MKI67: variants seen among roughly 807,000 people sequenced by gnomAD.
The protein encoded by MKI67 is proliferation marker protein Ki-67.
MKI67 carries 152 observed loss-of-function variants against 233.5 expected under a neutral mutation model. The ratio of observed to expected loss-of-function variants is 0.65; its 90% CI spans 0.57 to 0.74. The LOEUF (loss-of-function observed/expected upper bound fraction) is 0.74. Among genes scored for constraint, MKI67 ranks in the 30% least tolerant of loss-of-function variants. MKI67 has a pLI of 0.00. For missense variants in MKI67, 3,940 were observed against 3,885.2 expected, an observed-to-expected ratio of 1.01 and a Z score of -0.37; for synonymous variants, 1,465 against 1,418.5, an observed-to-expected ratio of 1.03 and a Z score of -0.74.
At chr10:128,119,207 C>T (rs772188807) in intron 5 of MKI67, 46 bp downstream of exon 5, 1 of 1,321,276 alleles carries the variant, frequency 7.6e-7, no homozygotes, top group East Asian at 2.3e-5. Context: ...TAAATGATTT[C>T]ATATCATCGA....
At chr10:128,114,643 G>A (rs546083596) in intron 7 of MKI67, among the ~76,000 whole-genome samples, 7 of 152,320 alleles carry the variant, frequency 4.6e-5, no homozygotes, top group Non-Finnish European at 8.8e-5. Context: ...TGTGATAGAT[G>A]GAGGAGAATC....
Position 128,107,725 on chromosome 10 carries a change from G to A in MKI67, c.4115C>T (p.Pro1372Leu), listed in dbSNP as rs1852545588. 1 of 1,613,508 alleles carries A rather than the reference G, an allele frequency of 6.2e-7. No individual in the cohort carries two copies. Among genetic ancestry groups the A allele is most frequent in the African/African-American group, 1.3e-5 (1 of 74,700 alleles). The part of the protein sequence containing the change: ...AVAAGKTTKM[P>L]CESSPPESAD... ...TGATTCTGGTGGAGAAGATTCGCAG[G>A]GCATTTTAGTAGTTTTGCCAGCAGC... Residue 1372 changes from proline (P) to leucine (L), a missense_variant, in exon 13 of 15, where the codon CCC becomes CTC. Coordinates refer to ENST00000368654, the MANE Select transcript of MKI67 (RefSeq NM_002417.5).
rs1444840458 is a variant in MKI67 at position 128,122,962 on chromosome 10, G to C, written c.206C>G (p.Thr69Arg). ...ILHNFSSTNP[T>R]QVNGSVIDEP... is the part of the protein sequence containing the mutation. ...ATCAATAACAGACCCATTTACTTGT[G>C]TTGGATTTGTGGAACTGAAATTATG... is the stretch of plus-strand genomic sequence containing the variant. The change falls in exon 4 of 15, where the codon ACA (threonine) becomes AGA (arginine). Residue 69 changes from threonine (T) to arginine (R), a missense_variant. Coordinates refer to ENST00000368654, the MANE Select transcript of MKI67 (RefSeq NM_002417.5). 1 of 1,608,758 alleles carries C rather than the reference G, an allele frequency of 6.2e-7. No homozygotes were observed. The highest frequency in any genetic ancestry group is 8.5e-7 in the Non-Finnish European group (1 of 1,175,726).
intron 4 of MKI67, among the ~76,000 whole-genome samples, chr10:128,120,066 G>A (rs1798240674): frequency 6.6e-6 from 1 of 152,202 alleles, no homozygotes; most frequent in Non-Finnish European, 1.5e-5. Flanking sequence ...TAGAGAGTTT[G>A]GAATCAAGTC....
At chr10:128,099,549 A>T (rs1207943859) in intron 14 of MKI67, among the ~76,000 whole-genome samples, 1 of 152,240 alleles carries the variant, frequency 6.6e-6, no homozygotes, top group Non-Finnish European at 1.5e-5. Flanking sequence ...TCATCGATGC[A>T]CACATTTTCA....
intron 11 of MKI67, 36 bp from the exon 12 acceptor site, chr10:128,110,569 A>AT: frequency 6.7e-7 from 1 of 1,488,960 alleles, no homozygotes; most frequent in Non-Finnish European, 9.1e-7. Context: ...TGATTGACAT[A>AT]TTGCTAACAT....
chr10:128,102,724 C>T lies in MKI67; in HGVS notation c.9116G>A (p.Gly3039Asp), dbSNP rs762217408. The T allele has an allele frequency of 3.7e-5, 60 of 1,614,052 alleles. No individual in the cohort carries two copies. Among genetic ancestry groups the T allele is most frequent in the Non-Finnish European group, 5.1e-5 (60 of 1,180,048 alleles). Residue 3039 changes from glycine to aspartate, a missense_variant, in exon 13 of 15, where the codon GGC becomes GAC. By Grantham distance (94) the Gly-to-Asp change is moderately conservative. Transcript: ENST00000368654. ...KKQRVAPRAR[G>D]KSSEPVVIMK... ...GATGACCACGGGTTCGGATGATTTG[C>T]CTCTTGCCCTGGGAGCAACCCTCTG...
intron 14 of MKI67, among the ~76,000 whole-genome samples, chr10:128,099,498 G>A (rs940061294): frequency 1.3e-5 from 2 of 152,216 alleles, no homozygotes; most frequent in Admixed American, 1.3e-4. Flanking sequence ...TCATACAGAA[G>A]TTCCTAATGC....
intron 7 of MKI67, among the ~76,000 whole-genome samples, chr10:128,114,577 T>C (rs909654376): frequency 6.6e-6 from 1 of 152,266 alleles, no homozygotes; most frequent in African/African-American, 2.4e-5. Flanking sequence ...CAGTTGATTG[T>C]AGTTCAGAAT....
rs11106 is a variant in MKI67 at position 128,101,514 on chromosome 10, G to C, written c.9449C>G (p.Thr3150Ser). The change falls in exon 14 of 15, where the codon ACT (threonine) becomes AGT (serine). Residue 3150 changes from threonine to serine, a missense_variant. Transcript: ENST00000368654. ...AGACCTCAAGCACCTTTTGTTCTCAGTGACTTTGTCTCTAGGTATGGGTTT... is the reference window on the plus strand; with the variant it reads ...AGACCTCAAGCACCTTTTGTTCTCACTGACTTTGTCTCTAGGTATGGGTTT... Reference protein sequence around the residue: ...ARKPIPRDKVTENKRCLRSAR... With the variant: ...ARKPIPRDKVSENKRCLRSAR... 688,909 of 1,613,824 alleles carry C rather than the reference G, an allele frequency of 0.43. 147,887 individuals carry two copies. Among genetic ancestry groups the C allele is most frequent in the Admixed American group, 0.54 (32,134 of 60,018 alleles).
In MKI67 at chr10:128,105,518, G is replaced by C. The variant is rs141016318; in HGVS notation, c.6322C>G (p.Pro2108Ala). 1 of 1,614,014 alleles carries C rather than the reference G, an allele frequency of 6.2e-7. No individual in the cohort carries two copies. The highest frequency in any genetic ancestry group is 8.5e-7 in the Non-Finnish European group (1 of 1,179,998). The change falls in exon 13 of 15, where the codon CCA becomes GCA. Residue 2108 changes from proline (P) to alanine (A), a missense_variant. Pro to Ala is a conservative substitution (Grantham distance 27). Transcript: ENST00000368654. Reference sequence around the variant, plus strand: ...CTTGTTGGAGTGTCCATTGATTCTGGTGGTGGAGATTTGCAGGCTATTTTG... The same window carrying C: ...CTTGTTGGAGTGTCCATTGATTCTGCTGGTGGAGATTTGCAGGCTATTTTG... ...TTKIACKSPPPESMDTPTSTR... is the reference protein window; with the variant it reads ...TTKIACKSPPAESMDTPTSTR...
chr10:128,107,860 G>A lies in MKI67; in HGVS notation c.3980C>T (p.Thr1327Ile). 4 of 1,613,386 alleles carry A rather than the reference G, an allele frequency of 2.5e-6. No homozygotes were observed. Among genetic ancestry groups the A allele is most frequent in the Non-Finnish European group, 3.4e-6 (4 of 1,179,914 alleles). ...VQKLDLTENL[T>I]GSKRRPQTPK... is the part of the protein sequence containing the mutation. Reference sequence around the variant, plus strand: ...AGTTTGTGGCCGTCTCTTGCTGCCGGTTAAGTTCTCTGTCAGGTCCAGTTT... The same window carrying A: ...AGTTTGTGGCCGTCTCTTGCTGCCGATTAAGTTCTCTGTCAGGTCCAGTTT... The change falls in exon 13 of 15, where the codon ACC becomes ATC. Residue 1327 changes from threonine to isoleucine, a missense_variant. Coordinates refer to ENST00000368654, the MANE Select transcript of MKI67 (RefSeq NM_002417.5).
At chr10:128,102,158 C>T (rs1852350761) in intron 13 of MKI67, among the ~76,000 whole-genome samples, 2 of 152,170 alleles carry the variant, frequency 1.3e-5, no homozygotes, top group African/African-American at 2.4e-5. Context: ...CAGACAGTTT[C>T]CCCTTCTCAA....
chr10:128,123,112 T>C lies in MKI67; in HGVS notation c.150A>G (p.Lys50=). ...TCACCTCCTGCTCATGGATTTCAATTTTGCAATGTTGTTTTGACACAACAG... is the reference window on the plus strand; with the variant it reads ...TCACCTCCTGCTCATGGATTTCAATCTTGCAATGTTGTTTTGACACAACAG... The part of the protein sequence containing the change: ...QLPVVSKQHC[K]IEIHEQEAIL... The change falls in exon 3 of 15, where the codon AAA becomes AAG. Residue 50 remains lysine, a synonymous_variant. Transcript: ENST00000368654. 6.2e-7 allele frequency: 1 copy of C among 1,613,974 alleles called. No homozygotes were observed. The highest frequency in any genetic ancestry group is 8.5e-7 in the Non-Finnish European group (1 of 1,179,890).
In MKI67 at chr10:128,107,322, G is replaced by C. The variant is rs769766695; in HGVS notation, c.4518C>G (p.Ser1506Arg). ...GACTTCTCTTGGACTGTGGCTTGGA[G>C]CTTGTTGGTGTGTCCACTGGGTCTG... ...SQPDPVDTPT[S>R]SKPQSKRSLR... The change falls in exon 13 of 15, where the codon AGC (serine) becomes AGG (arginine). Residue 1506 changes from serine (S) to arginine (R), a missense_variant. Coordinates refer to ENST00000368654, the MANE Select transcript of MKI67 (RefSeq NM_002417.5). The C allele has an allele frequency of 6.2e-7, 1 of 1,614,110 alleles. No homozygotes were observed. The highest frequency in any genetic ancestry group is 1.1e-5 in the South Asian group (1 of 91,080).
chr10:128,104,860 C>G lies in MKI67; in HGVS notation c.6980G>C (p.Gly2327Ala). The change falls in exon 13 of 15, where the codon GGC becomes GCC. Residue 2327 changes from glycine to alanine, a missense_variant. Transcript: ENST00000368654. The stretch of plus-strand genomic sequence containing the variant: ...CTCATCAGTCGTGGGCTTGTCAGTG[C>G]CTGGTGTCTGGAAGAGCTCTTTGAA... Reference protein sequence around the residue: ...AGFKELFQTPGTDKPTTDEKT... With the variant: ...AGFKELFQTPATDKPTTDEKT... 6.2e-7 allele frequency: 1 copy of G among 1,609,592 alleles called. No homozygotes were observed. Among genetic ancestry groups the G allele is most frequent in the Non-Finnish European group, 8.5e-7 (1 of 1,178,816 alleles).
rs757803036 is a variant in MKI67 at position 128,115,504 on chromosome 10, C to A, written c.904G>T (p.Ala302Ser). Reference protein sequence around the residue: ...SRPKSGGSGHAVAEPASPEQE... With the variant: ...SRPKSGGSGHSVAEPASPEQE... ...TCAGGTGAAGCAGGCTCTGCCACAG[C>A]GTGGCCGCTCCCACCAGATTTTGGT... Residue 302 changes from alanine to serine, a missense_variant, in exon 7 of 15, where the codon GCT (alanine) becomes TCT (serine). By Grantham distance (99) the Ala-to-Ser change is moderately conservative (BLOSUM62 1). Transcript: ENST00000368654. 2.5e-5 allele frequency: 40 copies of A among 1,614,004 alleles called. No individual in the cohort carries two copies. The highest frequency in any genetic ancestry group is 3.4e-5 in the Non-Finnish European group (40 of 1,180,016).
In MKI67 at chr10:128,106,792, A is replaced by G. The variant is rs1330967600; in HGVS notation, c.5048T>C (p.Ile1683Thr). The G allele has an allele frequency of 2.5e-6, 4 of 1,613,322 alleles. No homozygotes were observed. The highest frequency in any genetic ancestry group is 3.4e-6 in the Non-Finnish European group (4 of 1,179,880). ...AGTTAGACTTGCTGCTGAGTCTAAG[A>G]TCTGCTTTGGAGACTCCATAAATGC... ...MKAFMESPKQ[I>T]LDSAASLTGS... Residue 1683 changes from isoleucine to threonine, a missense_variant, in exon 13 of 15, where the codon ATC (isoleucine) becomes ACC (threonine). By Grantham distance (89) the Ile-to-Thr change is moderately conservative. Transcript: ENST00000368654.
chr10:128,115,988 G>T lies in MKI67; in HGVS notation c.420C>A (p.Ser140=). The T allele has an allele frequency of 6.3e-7, 1 of 1,589,366 alleles. No individual in the cohort carries two copies. Residue 140 remains serine, a synonymous_variant, in exon 7 of 15, where the codon TCC becomes TCA. Coordinates refer to ENST00000368654, the MANE Select transcript of MKI67 (RefSeq NM_002417.5). The part of the protein sequence containing the change: ...SSDPDEKAQD[S]KAYSKITEGK... ...CTTCAGTGATTTTTGAATAGGCCTT[G>T]GAATCTTGAGCTTTCTCATCTTGGC...
Sources: allele counts gnomAD v4.1 joint callset (sites outside exome capture counted in the v4.1 genomes callset), GRCh38; gene constraint gnomAD v4.1.1; transcripts MANE v1.5; gene names NCBI Gene and HGNC (gene_info 2026-07-23, HGNC 2026-07-21).